Variants in SOS2 observed in about 807,000 individuals in gnomAD.
SOS2 encodes the protein son of sevenless homolog 2.
Under a neutral mutation model 148.2 loss-of-function variants are expected in SOS2, and 65 were observed. That is an observed-to-expected ratio of 0.44 (90% CI 0.36 to 0.54). SOS2 has a LOEUF of 0.54. Among genes scored for constraint, SOS2 ranks in the 20% least tolerant of loss-of-function variants. The probability of loss-of-function intolerance (pLI) is 0.00; values close to 1 mark genes in which losing one functional copy is unlikely to be tolerated. For missense variants in SOS2, 1,341 were observed against 1,590.2 expected (o/e 0.84, Z 2.67); for synonymous variants, 539 against 537.1 (o/e 1.00, Z -0.05).
chr14:50,129,716 T>C (rs1361993603), intron 21 of SOS2, among the ~76,000 whole-genome samples: 7 of 152,208 alleles, frequency 4.6e-5, no homozygotes, highest in Admixed American at 3.9e-4. Flanking sequence ...CATTTAATCC[T>C]TAACAAGTGT....
At position 50,129,958 on chromosome 14, in the gene SOS2, T is replaced by G. The variant is rs766014381; in HGVS notation, c.3379+3A>C. On this transcript the variant is annotated splice_donor_region_variant and intron_variant, in intron 21 of 22. Coordinates refer to ENST00000216373, the MANE Select transcript of SOS2 (RefSeq NM_006939.4). ...ATTAAGAATCAACTTAAATTATACT[T>G]ACTTGAATGTGGCAAAAGCACTGGA... The G allele has an allele frequency of 6.4e-7, 1 of 1,562,444 alleles. No individual in the cohort carries two copies. Among genetic ancestry groups the G allele is most frequent in the Admixed American group, 1.7e-5 (1 of 58,306 alleles).
intron 4 of SOS2, among the ~76,000 whole-genome samples, chr14:50,194,683 C>T (rs1886260688): frequency 6.6e-6 from 1 of 150,904 alleles, no homozygotes; most frequent in Non-Finnish European, 1.5e-5. Context: ...GAGGCTGAGG[C>T]AGGAGAATTG....
chr14:50,153,301 G>A, intron 12 of SOS2, 128 bp from the exon 13 acceptor site: 1 of 502,898 alleles, frequency 2.0e-6, no homozygotes, highest in Non-Finnish European at 3.7e-6. Context: ...TCTCTAATCT[G>A]TATTTAATTA....
intron 8 of SOS2, among the ~76,000 whole-genome samples, chr14:50,172,419 C>CTTTTTT (rs768766517): frequency 1.7e-4 from 14 of 82,764 alleles, no homozygotes; most frequent in East Asian, 4.5e-4. Flanking sequence ...TTATTCATTC[C>CTTTTTT]TTTTTTTTTT....
intron 5 of SOS2, among the ~76,000 whole-genome samples, chr14:50,185,595 G>C (rs929099158): frequency 4.0e-5 from 6 of 151,738 alleles, no homozygotes; most frequent in African/African-American, 2.4e-5. Context: ...GGGAGGCTGA[G>C]GCAGGAGAAT....
intron 5 of SOS2, among the ~76,000 whole-genome samples, chr14:50,183,638 C>A (rs1211617774): frequency 2.0e-5 from 3 of 152,144 alleles, no homozygotes; most frequent in Non-Finnish European, 4.4e-5. Flanking sequence ...TTAAAACTGG[C>A]TGAGATGCTA....
At chr14:50,187,276 C>T (rs531515512) in intron 5 of SOS2, among the ~76,000 whole-genome samples, 8 of 151,666 alleles carry the variant, frequency 5.3e-5, no homozygotes, top group Non-Finnish European at 7.4e-5. Flanking sequence ...GTTCCCAAAA[C>T]AGCTGAGATT....
At chr14:50,120,815 C>T (rs1354400522) in intron 21 of SOS2, among the ~76,000 whole-genome samples, 1 of 145,250 alleles carries the variant, frequency 6.9e-6, no homozygotes, top group Non-Finnish European at 1.5e-5. Context: ...TCTCGGCTCA[C>T]TGCAACCTCC....
chr14:50,201,802 G>A (rs1886499758), intron 2 of SOS2, among the ~76,000 whole-genome samples: 1 of 152,144 alleles, frequency 6.6e-6, no homozygotes, highest in Admixed American at 6.6e-5. Context: ...TTAGTATACA[G>A]CCACTCTCCT....
chr14:50,204,905 T>C (rs906512831), intron 1 of SOS2, among the ~76,000 whole-genome samples: 1 of 143,968 alleles, frequency 6.9e-6, no homozygotes, highest in Admixed American at 7.0e-5. Flanking sequence ...TTTTTCTTTC[T>C]TTTTTTTTTT....
chr14:50,164,903 G>A (rs545664602), intron 8 of SOS2, among the ~76,000 whole-genome samples: 8 of 152,244 alleles, frequency 5.3e-5, no homozygotes, highest in Admixed American at 1.3e-4. Context: ...GTAATACTCT[G>A]AATCACCAAT....
intron 8 of SOS2, among the ~76,000 whole-genome samples, chr14:50,162,559 ATTACT>A (rs1885043861): frequency 6.6e-6 from 1 of 152,224 alleles, no homozygotes. Context: ...TTCTCTAATG[ATTACT>A]TTGTTTTAGC....
In SOS2 at chr14:50,161,557, G is replaced by T. The variant is rs1447501425; in HGVS notation, c.1121C>A (p.Ala374Asp). 1 of 1,611,874 alleles carries T rather than the reference G, an allele frequency of 6.2e-7. No homozygotes were observed. The highest frequency in any genetic ancestry group is 8.5e-7 in the Non-Finnish European group (1 of 1,178,214). Residue 374 changes from alanine to aspartate, a missense_variant, in exon 9 of 23, where the codon GCT (alanine) becomes GAT (aspartate). Ala to Asp is a moderately radical substitution (Grantham distance 126). Transcript: ENST00000216373. ...TTGGAGATTCATGAGAGCAGTAATA[G>T]CTTGGTTCAAACATTCTCTGTCTTC... ...EQEDRECLNQAITALMNLQGS... is the reference protein window; with the variant it reads ...EQEDRECLNQDITALMNLQGS...
chr14:50,134,111 TAA>T lies in SOS2; in HGVS notation c.3075+10_3075+11del. On this transcript the variant is annotated intron_variant, in intron 19 of 22. Transcript: ENST00000216373. ...AACAGAACACTTGTTCCCGAAATTATAAAAGACTTACAAATCGAGGTGGCTGT... is the reference window on the plus strand; with the variant it reads ...AACAGAACACTTGTTCCCGAAATTATAAGACTTACAAATCGAGGTGGCTGT... 7.9e-7 allele frequency: 1 copy of T among 1,269,680 alleles called. No homozygotes were observed. Among genetic ancestry groups the T allele is most frequent in the Non-Finnish European group, 1.1e-6 (1 of 871,006 alleles). The allele number at this position is 1,269,680 out of a possible 1,614,324, so 78.7% of individuals were successfully genotyped here.
intron 14 of SOS2, among the ~76,000 whole-genome samples, chr14:50,146,148 A>G (rs1989545): frequency 0.82 from 120,207 of 145,998 alleles, 49,617 homozygotes; most frequent in East Asian, 0.91. Context: ...AAAAAAAAAA[A>G]AAAAAAAGAA....
At position 50,178,744 on chromosome 14, in the gene SOS2, A is replaced by ATAT. The variant is rs1555371335; in HGVS notation, c.969+1827_969+1828insATA. 3.1e-3 allele frequency among the ~76,000 whole-genome samples: 434 copies of ATAT among 140,378 alleles called. 5 individuals are homozygous for ATAT. The highest frequency in any genetic ancestry group is 0.011 in the African/African-American group (394 of 37,502). The allele number at this position is 140,378 out of a possible 152,430, so 92.1% of individuals were successfully genotyped here. On this transcript the variant is annotated intron_variant, in intron 7 of 22. Transcript: ENST00000216373. Reference sequence around the variant, plus strand: ...TATACACACACATATATATATATATATTTTTTGGAGACAGGGTCTTGCTCT... The same window carrying ATAT: ...TATACACACACATATATATATATATATATTTTTTTGGAGACAGGGTCTTGCTCT...
At chr14:50,124,800 A>G (rs7160104) in intron 21 of SOS2, among the ~76,000 whole-genome samples, 132,957 of 152,218 alleles carry the variant, frequency 0.87, 58,162 homozygotes, top group East Asian at 0.92. Context: ...GAGTCTTGCC[A>G]TTTTTCTCAT....
At chr14:50,144,837 G>A (rs1884413746) in intron 16 of SOS2, among the ~76,000 whole-genome samples, 1 of 152,012 alleles carries the variant, frequency 6.6e-6, no homozygotes, top group African/African-American at 2.4e-5. Flanking sequence ...AAAATCCTTT[G>A]TCATTTGAGA....
chr14:50,140,463 G>T lies in SOS2; in HGVS notation c.2668-404C>A, dbSNP rs565142336. ...GAAGACAACTATCAGAAGACAAGAA[G>T]ACTTGAACAAAAATTTAGTGAATGA... On this transcript the variant is annotated intron_variant, in intron 16 of 22. Coordinates refer to ENST00000216373, the MANE Select transcript of SOS2 (RefSeq NM_006939.4). Among the ~76,000 whole-genome samples the T allele has an allele frequency of 4.7e-4, 72 of 152,270 alleles. 2 individuals carry two copies. Among genetic ancestry groups the T allele is most frequent in the African/African-American group, 1.7e-3 (71 of 41,544 alleles).
Sources: gnomAD v4.1 joint callset for allele counts (sites outside exome capture counted in the v4.1 genomes callset) on GRCh38, gnomAD v4.1.1 for gene constraint, MANE v1.5 for transcripts, NCBI Gene and HGNC (gene_info 2026-07-23, HGNC 2026-07-21) for gene names.